Variants in ADGRE3 observed in about 807,000 individuals in gnomAD.
ADGRE3 encodes the protein EGF-like module receptor 3.
Under a neutral mutation model 80.1 loss-of-function variants are expected in ADGRE3, and 88 were observed. That is an observed-to-expected ratio of 1.10 (90% confidence interval 0.93 to 1.31). The LOEUF (loss-of-function observed/expected upper bound fraction) is 1.31. Among genes scored for constraint, ADGRE3 ranks in the 40% most tolerant of loss-of-function variants. The pLI is 0.00. For synonymous variants in ADGRE3, 281 were observed against 294.8 expected, an observed-to-expected ratio of 0.95 and a Z score of 0.48; for missense variants, 715 against 776.5, an observed-to-expected ratio of 0.92 and a Z score of 0.94.
intron 14 of ADGRE3, chr19:14,628,733 C>G: frequency 2.7e-6 from 1 of 369,554 alleles, no homozygotes; most frequent in East Asian, 9.2e-5. Context: ...TGAGTTTGCC[C>G]CTGCAGACAG....
the ADGRE3 span, among the ~76,000 whole-genome samples, chr19:14,613,482 C>T: frequency 2.9e-3 from 432 of 150,996 alleles, no homozygotes; most frequent in Admixed American, 5.2e-3. Flanking sequence ...CCTCCTGCTT[C>T]AGCCTCCTAA....
chr19:14,651,528 A>G (rs2146869217), intron 6 of ADGRE3, among the ~76,000 whole-genome samples: 1 of 152,392 alleles, frequency 6.6e-6, no homozygotes, highest in Non-Finnish European at 1.5e-5. Flanking sequence ...AACTGAAGTC[A>G]GAAGTTAGGT....
chr19:14,638,119 A>G lies in ADGRE3; in HGVS notation c.1470T>C (p.Tyr490=), dbSNP rs368642635. The change falls in exon 11 of 16, where the codon TAT becomes TAC. Residue 490 remains tyrosine, a synonymous_variant. Coordinates refer to ENST00000253673, the MANE Select transcript of ADGRE3 (RefSeq NM_032571.5). ...TTCAAGCTCACCGATCAGCAGTTCC[A>G]TAAAGGTGAGGCCAGGAGGCTGCAG... ...AISAASWPHL[Y]GTADRCWLHL... 3 of 1,613,734 alleles carry G rather than the reference A, an allele frequency of 1.9e-6. No individual in the cohort carries two copies. Among genetic ancestry groups the G allele is most frequent in the African/African-American group, 1.3e-5 (1 of 74,922 alleles).
intron 2 of ADGRE3, among the ~76,000 whole-genome samples, chr19:14,663,778 G>A (rs1421857622): frequency 6.6e-6 from 1 of 152,018 alleles, no homozygotes; most frequent in African/African-American, 2.4e-5. Context: ...GGCGGAGATT[G>A]CAGTGAGCCG....
the ADGRE3 span, chr19:14,610,045 C>G: frequency 6.3e-7 from 1 of 1,599,840 alleles, no homozygotes; most frequent in South Asian, 1.1e-5. Flanking sequence ...TCCCTCTGCC[C>G]ACTTTTTCCT....
chr19:14,644,067 C>T, intron 9 of ADGRE3, 41 bp downstream of exon 9: 1 of 1,279,102 alleles, frequency 7.8e-7, no homozygotes, highest in Non-Finnish European at 1.0e-6. Context: ...AGTAGGGGCT[C>T]AGAAAGTATT....
Position 14,666,218 on chromosome 19 carries a change from A to G in ADGRE3, c.76+2584T>C, listed in dbSNP as rs996951829. ...GGTTGTACTAGTTTTAATTCCCACC[A>G]ATAGTGTAAAGTGTTCCCTTTTCAC... On this transcript the variant is annotated intron_variant, in intron 2 of 15. Coordinates refer to ENST00000253673, the MANE Select transcript of ADGRE3 (RefSeq NM_032571.5). Among the ~76,000 whole-genome samples, 3 of 151,796 alleles carry G rather than the reference A, an allele frequency of 2.0e-5. No individual in the cohort carries two copies. In the South Asian group the frequency reaches 6.2e-4, roughly 32 times the overall value.
chr19:14,651,343 A>G, intron 6 of ADGRE3, 139 bp from the exon 7 acceptor site: 1 of 915,260 alleles, frequency 1.1e-6, no homozygotes, highest in Non-Finnish European at 1.7e-6. Context: ...TGGGCCCAGG[A>G]ATTTGAGCCC....
chr19:14,632,587 G>T (rs1747777394), intron 13 of ADGRE3, among the ~76,000 whole-genome samples: 1 of 152,182 alleles, frequency 6.6e-6, no homozygotes, highest in Non-Finnish European at 1.5e-5. Flanking sequence ...CCTTCTAGAG[G>T]ATGGTGGAGC....
intron 3 of ADGRE3, 32 bp downstream of exon 3, chr19:14,663,386 A>G: frequency 7.7e-7 from 1 of 1,304,000 alleles, no homozygotes. Flanking sequence ...ATAATAAAAT[A>G]ATAATAATAA....
chr19:14,617,341 C>CTCT (rs1599593839), downstream of ADGRE3, among the ~76,000 whole-genome samples: 7 of 57,168 alleles, frequency 1.2e-4, no homozygotes, highest in East Asian at 7.1e-4. Flanking sequence ...TCCCTCCCTC[C>CTCT]CTTTCTTTCT....
rs368377854 is a variant in ADGRE3, at chr19:14,669,955, C to G, written c.26-1103G>C. Among the ~76,000 whole-genome samples, 3 of 152,090 alleles carry G rather than the reference C, an allele frequency of 2.0e-5. No individual in the cohort carries two copies. In the South Asian group the frequency reaches 6.2e-4, roughly 32 times the overall value. ...GGGGTGGTGAGGGTTGAAAAATTAC[C>G]TATTCGGTACAATGTTTAATGTTTG... On this transcript the variant is annotated intron_variant, in intron 1 of 15. Coordinates refer to ENST00000253673, the MANE Select transcript of ADGRE3 (RefSeq NM_032571.5).
intron 11 of ADGRE3, among the ~76,000 whole-genome samples, chr19:14,636,081 C>CTTTCCCTTT (rs1555755785): frequency 1.2e-4 from 3 of 24,664 alleles, no homozygotes; most frequent in African/African-American, 1.4e-4. Context: ...CTTTCCTTTC[C>CTTTCCCTTT]CTTTCTTTCT....
chr19:14,620,536 T>TATATA (rs1568471365), intron 15 of ADGRE3, among the ~76,000 whole-genome samples: 1 of 37,278 alleles, frequency 2.7e-5, no homozygotes, highest in Non-Finnish European at 4.3e-5. Flanking sequence ...ATATATATAT[T>TATATA]TTATATATAT....
At chr19:14,608,008 C>T in the ADGRE3 span, among the ~76,000 whole-genome samples, 160 of 151,968 alleles carry the variant, frequency 1.1e-3, 1 homozygote, top group Non-Finnish European at 1.8e-3. Context: ...GTACCTGGGA[C>T]CACAGTCACA....
the ADGRE3 span, among the ~76,000 whole-genome samples, chr19:14,602,378 C>T: frequency 1.3e-5 from 2 of 152,160 alleles, no homozygotes; most frequent in Non-Finnish European, 2.9e-5. Context: ...CAGCCTTGGC[C>T]TCCTGGGCTC....
chr19:14,659,233 G>A (rs1971869759), intron 4 of ADGRE3, among the ~76,000 whole-genome samples: 1 of 151,672 alleles, frequency 6.6e-6, no homozygotes, highest in African/African-American at 2.4e-5. Context: ...TGTAGAGATG[G>A]GGTTTCGCCA....
At chr19:14,663,631 G>A in intron 2 of ADGRE3, 91 bp from the exon 3 acceptor site, 6 of 1,445,846 alleles carry the variant, frequency 4.1e-6, no homozygotes, top group Non-Finnish European at 4.7e-6. Context: ...CTGAGGTCAG[G>A]AGTTCAAGAG....
chr19:14,636,691 C>G (rs1971101443), intron 11 of ADGRE3, among the ~76,000 whole-genome samples: 1 of 152,202 alleles, frequency 6.6e-6, no homozygotes, highest in Non-Finnish European at 1.5e-5. Context: ...AGCTTGCTCT[C>G]TGACCTGCTT....
Sources: allele counts gnomAD v4.1 joint callset (sites outside exome capture counted in the v4.1 genomes callset), GRCh38; gene constraint gnomAD v4.1.1; transcripts MANE v1.5; gene names NCBI Gene and HGNC (gene_info 2026-07-23, HGNC 2026-07-21).